Variants in DYNC1I1 observed in about 807,000 individuals in gnomAD.
DYNC1I1 encodes the protein dynein cytoplasmic 1 intermediate chain 1.
A neutral mutation model predicts 86.6 loss-of-function variants in DYNC1I1; 43 were observed. That is an observed-to-expected ratio of 0.50 (90% CI 0.39 to 0.64). The LOEUF (loss-of-function observed/expected upper bound fraction) is 0.64. DYNC1I1 is among the 30% of genes least tolerant of loss of function. The pLI, the probability that DYNC1I1 is intolerant of heterozygous loss-of-function variation, is 0.00. For missense variants in DYNC1I1, 604 were observed against 788.8 expected (o/e 0.77, Z 2.81); for synonymous variants, 262 against 283.7 (o/e 0.92, Z 0.77).
At chr7:95,965,585 T>A (rs1389708963) in intron 6 of DYNC1I1, among the ~76,000 whole-genome samples, 2 of 152,156 alleles carry the variant, frequency 1.3e-5, no homozygotes, top group Non-Finnish European at 2.9e-5. Context: ...GTTAAGTAAA[T>A]AACCCATGAT....
chr7:95,775,747 A>C (rs781035951), intron 1 of DYNC1I1, among the ~76,000 whole-genome samples: 1 of 152,158 alleles, frequency 6.6e-6, no homozygotes, highest in African/African-American at 2.4e-5. Context: ...AATAGTTGCT[A>C]CCTTAATCAG....
At chr7:95,924,527 A>G (rs576934154) in intron 6 of DYNC1I1, among the ~76,000 whole-genome samples, 11 of 152,296 alleles carry the variant, frequency 7.2e-5, no homozygotes, top group Admixed American at 3.9e-4. Context: ...TTTAAATTAC[A>G]TATGTGGCTT....
chr7:95,846,625 CTCTGTGTG>C (rs1377105386), intron 5 of DYNC1I1, among the ~76,000 whole-genome samples: 10 of 132,684 alleles, frequency 7.5e-5, no homozygotes, highest in Non-Finnish European at 1.3e-4. Flanking sequence ...AAATCTCTCT[CTCTGTGTG>C]TGTGTGTGTG....
At chr7:95,881,779 C>A (rs532935397) in intron 6 of DYNC1I1, among the ~76,000 whole-genome samples, 1 of 152,312 alleles carries the variant, frequency 6.6e-6, no homozygotes, top group East Asian at 1.9e-4. Context: ...ATATGGCAGC[C>A]CCTGGCAGCC....
downstream of DYNC1I1, among the ~76,000 whole-genome samples, chr7:96,098,696 C>G (rs992626307): frequency 6.6e-6 from 1 of 152,098 alleles, no homozygotes; most frequent in African/African-American, 2.4e-5. Flanking sequence ...TAGGTTAAGA[C>G]GAACAAATAC....
chr7:96,008,969 G>C (rs1197976595), intron 10 of DYNC1I1, among the ~76,000 whole-genome samples: 1 of 152,122 alleles, frequency 6.6e-6, no homozygotes, highest in Admixed American at 6.5e-5. Context: ...AATATATTAT[G>C]CTATTAAATA....
chr7:95,861,230 A>G (rs1789869007), intron 5 of DYNC1I1, among the ~76,000 whole-genome samples: 1 of 152,118 alleles, frequency 6.6e-6, no homozygotes, highest in East Asian at 1.9e-4. Context: ...CAGTTGTTAA[A>G]CACTGTGATT....
intron 5 of DYNC1I1, among the ~76,000 whole-genome samples, chr7:95,832,474 A>G (rs1788937114): frequency 6.6e-6 from 1 of 151,598 alleles, no homozygotes; most frequent in Non-Finnish European, 1.5e-5. Context: ...AGTCCTTTGG[A>G]TATATACCCA....
At chr7:96,089,693 C>CT (rs1025347872) in intron 16 of DYNC1I1, among the ~76,000 whole-genome samples, 1 of 151,972 alleles carries the variant, frequency 6.6e-6, no homozygotes, top group Admixed American at 6.6e-5. Flanking sequence ...TTTCATTGTG[C>CT]TTTTTTTGGA....
chr7:96,007,833 C>T (rs1794178794), intron 10 of DYNC1I1, among the ~76,000 whole-genome samples: 1 of 152,158 alleles, frequency 6.6e-6, no homozygotes, highest in Admixed American at 6.5e-5. Context: ...ATTATAAATG[C>T]CAAGACCTAT....
intron 5 of DYNC1I1, among the ~76,000 whole-genome samples, chr7:95,848,344 A>G (rs1789490631): frequency 6.6e-6 from 1 of 151,622 alleles, no homozygotes; most frequent in Non-Finnish European, 1.5e-5. Context: ...CTTTTCCTGT[A>G]TAGCTGAAAT....
chr7:96,098,200 T>C lies in DYNC1I1; in HGVS notation c.*607T>C. On this transcript the variant is annotated 3_prime_UTR_variant, in exon 17 of 17. Transcript: ENST00000447467. Reference sequence around the variant, plus strand: ...CTGCTGCTGTTGAGGTTATATTAAGTTCCACATAGCAATTACAGTATGCCA... The same window carrying C: ...CTGCTGCTGTTGAGGTTATATTAAGCTCCACATAGCAATTACAGTATGCCA... 1 of 985,896 alleles carries C rather than the reference T, an allele frequency of 1.0e-6. No individual in the cohort carries two copies. Among genetic ancestry groups the C allele is most frequent in the Non-Finnish European group, 1.2e-6 (1 of 829,942 alleles). The allele number at this position is 985,896 out of a possible 1,614,324, so 61.1% of individuals were successfully genotyped here.
At chr7:96,021,543 C>T (rs952166247) in intron 10 of DYNC1I1, among the ~76,000 whole-genome samples, 3 of 151,464 alleles carry the variant, frequency 2.0e-5, no homozygotes, top group African/African-American at 4.9e-5. Flanking sequence ...ACAAATTTAC[C>T]CTTTTAAAAC....
chr7:95,865,297 T>A (rs1298152653), intron 5 of DYNC1I1, among the ~76,000 whole-genome samples: 1 of 152,222 alleles, frequency 6.6e-6, no homozygotes, highest in Non-Finnish European at 1.5e-5. Context: ...TAAACCCTTT[T>A]ATTTTACCAA....
At chr7:95,938,379 G>C (rs1424117001) in intron 6 of DYNC1I1, among the ~76,000 whole-genome samples, 12 of 152,156 alleles carry the variant, frequency 7.9e-5, no homozygotes, top group Non-Finnish European at 1.6e-4. Flanking sequence ...TGCATTGTAG[G>C]TAATCCAATA....
chr7:95,893,060 A>G (rs188725703), intron 6 of DYNC1I1, among the ~76,000 whole-genome samples: 21 of 152,254 alleles, frequency 1.4e-4, no homozygotes, highest in African/African-American at 5.1e-4. Context: ...AAGTCTTTAT[A>G]TATTTTGGCA....
At chr7:95,869,181 A>G (rs865933256) in intron 5 of DYNC1I1, among the ~76,000 whole-genome samples, 5 of 152,196 alleles carry the variant, frequency 3.3e-5, no homozygotes, top group African/African-American at 1.2e-4. Context: ...AAGGCACGTA[A>G]CATAATGAAT....
intron 7 of DYNC1I1, among the ~76,000 whole-genome samples, chr7:95,978,159 T>C (rs1197602703): frequency 6.6e-6 from 1 of 152,156 alleles, no homozygotes. Context: ...TCCACAGATA[T>C]TACTCACTCC....
intron 6 of DYNC1I1, among the ~76,000 whole-genome samples, chr7:95,909,709 T>C (rs1791277929): frequency 6.6e-6 from 1 of 152,184 alleles, no homozygotes; most frequent in African/African-American, 2.4e-5. Context: ...TAATTATTTT[T>C]ATGTACAGAA....
Sources: gnomAD v4.1 joint callset for allele counts (sites outside exome capture counted in the v4.1 genomes callset) on GRCh38, gnomAD v4.1.1 for gene constraint, MANE v1.5 for transcripts, NCBI Gene and HGNC (gene_info 2026-07-23, HGNC 2026-07-21) for gene names.